The following TLN2 variants were observed in gnomAD, a reference collection of about 807,000 sequenced individuals.
TLN2 encodes the protein talin-2.
A neutral mutation model predicts 294.7 loss-of-function variants in TLN2; 118 were observed. That is an observed-to-expected ratio of 0.40 (90% CI 0.34 to 0.47). TLN2 has a LOEUF of 0.47. Among genes scored for constraint, TLN2 ranks in the 20% least tolerant of loss-of-function variants. The pLI is 0.84. For synonymous variants in TLN2, 1,431 were observed against 1,304.5 expected (o/e 1.10, Z -2.09); for missense variants, 3,083 against 3,282.2 (o/e 0.94, Z 1.48).
chr15:62,462,254 A>G (rs1016431087), intron 1 of TLN2, among the ~76,000 whole-genome samples: 11 of 152,364 alleles, frequency 7.2e-5, no homozygotes, highest in Non-Finnish European at 1.6e-4. Flanking sequence ...ATAAATAAAC[A>G]TAAAAAATCA....
chr15:62,797,460 G>C (rs984602287), intron 48 of TLN2, 58 bp downstream of exon 48: 1 of 1,508,606 alleles, frequency 6.6e-7, no homozygotes, highest in Non-Finnish European at 8.8e-7. Context: ...GCTGCACATC[G>C]GGCCTCAGAA....
intron 1 of TLN2, among the ~76,000 whole-genome samples, chr15:62,508,982 T>C (rs1018004669): frequency 6.6e-6 from 1 of 152,220 alleles, no homozygotes; most frequent in Admixed American, 6.5e-5. Context: ...GTAATCTTAG[T>C]GTTTTACTTA....
At chr15:62,481,585 C>T (rs1281972961) in intron 1 of TLN2, among the ~76,000 whole-genome samples, 1 of 152,190 alleles carries the variant, frequency 6.6e-6, no homozygotes, top group East Asian at 1.9e-4. Flanking sequence ...TGGTCTAGAA[C>T]TCTGGGCTCA....
chr15:62,397,541 G>T (rs1202379290), intron 1 of TLN2, among the ~76,000 whole-genome samples: 1 of 152,122 alleles, frequency 6.6e-6, no homozygotes, highest in African/African-American at 2.4e-5. Context: ...TGGGATTACA[G>T]GTGTGAGCCA....
chr15:62,697,521 A>G lies in TLN2; in HGVS notation c.1293-167A>G, dbSNP rs2058430113. Among the ~76,000 whole-genome samples the G allele has an allele frequency of 1.3e-5, 2 of 152,214 alleles. 1 individual carries two copies. Among genetic ancestry groups the G allele is most frequent in the South Asian group, 4.1e-4 (2 of 4,826 alleles). On this transcript the variant is annotated intron_variant, in intron 14 of 58. Transcript: ENST00000636159. ...AAAGGATTCATCTCAGAGCTCTGCT[A>G]AGTGTTGTAATGCCACTTCTTCATT...
intron 1 of TLN2, among the ~76,000 whole-genome samples, chr15:62,420,532 G>A (rs1271031972): frequency 6.6e-6 from 1 of 152,128 alleles, no homozygotes; most frequent in Non-Finnish European, 1.5e-5. Context: ...GAGCAGCTGG[G>A]ACTACAGGCG....
At chr15:62,528,428 A>G (rs1368812517) in intron 1 of TLN2, among the ~76,000 whole-genome samples, 1 of 152,144 alleles carries the variant, frequency 6.6e-6, no homozygotes, top group Non-Finnish European at 1.5e-5. Context: ...ACTTAGGTCC[A>G]TCAGGGTAGA....
chr15:62,769,435 T>G (rs1261063518), intron 41 of TLN2, among the ~76,000 whole-genome samples: 1 of 152,158 alleles, frequency 6.6e-6, no homozygotes, highest in Non-Finnish European at 1.5e-5. Flanking sequence ...CTGGCGTCGC[T>G]CATGTCTGCC....
At chr15:62,791,609 A>C (rs1007699574) in intron 45 of TLN2, among the ~76,000 whole-genome samples, 5 of 152,210 alleles carry the variant, frequency 3.3e-5, no homozygotes, top group Non-Finnish European at 7.3e-5. Context: ...CAGGGGGCCA[A>C]AAATCTCCCA....
chr15:62,786,847 CT>C (rs2064703753), intron 45 of TLN2, among the ~76,000 whole-genome samples: 1 of 152,148 alleles, frequency 6.6e-6, no homozygotes, highest in Admixed American at 6.5e-5. Flanking sequence ...TTTGCCATTA[CT>C]TTTAGTGGCA....
chr15:62,535,837 G>GCC (rs2041320024), intron 1 of TLN2, among the ~76,000 whole-genome samples: 1 of 152,198 alleles, frequency 6.6e-6, no homozygotes, highest in Admixed American at 6.5e-5. Flanking sequence ...ACAGGCGTGA[G>GCC]CCACCGTACC....
chr15:62,724,752 CCA>C (rs1428866096), intron 26 of TLN2, among the ~76,000 whole-genome samples: 1 of 152,128 alleles, frequency 6.6e-6, no homozygotes, highest in Non-Finnish European at 1.5e-5. Flanking sequence ...CTTACTATAT[CCA>C]GTTATGAGAC....
intron 1 of TLN2, among the ~76,000 whole-genome samples, chr15:62,533,328 G>C (rs2041158331): frequency 6.6e-6 from 1 of 151,194 alleles, no homozygotes; most frequent in Non-Finnish European, 1.5e-5. Flanking sequence ...TCTAAGGCAG[G>C]TAGCCCATGT....
chr15:62,726,149 G>A (rs2060429593), intron 27 of TLN2, among the ~76,000 whole-genome samples: 1 of 152,142 alleles, frequency 6.6e-6, no homozygotes, highest in Non-Finnish European at 1.5e-5. Context: ...GGCATGACAT[G>A]TAATTCCATC....
At chr15:62,807,664 G>A (rs953279395) in intron 51 of TLN2, among the ~76,000 whole-genome samples, 1 of 152,180 alleles carries the variant, frequency 6.6e-6, no homozygotes, top group Non-Finnish European at 1.5e-5. Flanking sequence ...GTTTTCAGGG[G>A]AGGAGCTCAG....
Position 62,752,567 on chromosome 15 carries a change from G to A in TLN2, c.4332+140G>A, listed in dbSNP as rs866452188. 76 of 1,293,824 alleles carry A rather than the reference G, an allele frequency of 5.9e-5. No individual in the cohort carries two copies. In the Middle Eastern group the frequency reaches 1.8e-3, roughly 31 times the overall value. The allele number at this position is 1,293,824 out of a possible 1,614,324, so 80.1% of individuals were successfully genotyped here. A position where few individuals can be genotyped will look rare whatever the true frequency, so the allele number is the denominator to read the frequency against. On this transcript the variant is annotated intron_variant, in intron 35 of 58. Transcript: ENST00000636159. ...GGCAGTGGCTTCTGTGCTGGCTGGG[G>A]CATTTACACAAAACATGAGCCAGTT... is the stretch of plus-strand genomic sequence containing the variant.
chr15:62,528,223 C>T (rs1335814439), intron 1 of TLN2, among the ~76,000 whole-genome samples: 3 of 152,114 alleles, frequency 2.0e-5, no homozygotes, highest in African/African-American at 4.8e-5. Flanking sequence ...TATGTCAAAA[C>T]ATATGTAATC....
At position 62,792,678 on chromosome 15, in the gene TLN2, G is replaced by A; in HGVS notation, c.5774G>A (p.Gly1925Asp). ...ATTCGCACTCGTGTGCAGGACCTGG[G>A]CCACGGCTGTATCTTCCTGGTGCAG... The part of the protein sequence containing the change: ...FQIRTRVQDL[G>D]HGCIFLVQKA... Residue 1925 changes from glycine to aspartate, a missense_variant, in exon 46 of 59, where the codon GGC (glycine) becomes GAC (aspartate). Coordinates refer to ENST00000636159, the MANE Select transcript of TLN2 (RefSeq NM_015059.3). 1 of 1,613,898 alleles carries A rather than the reference G, an allele frequency of 6.2e-7. No homozygotes were observed.
chr15:62,658,393 C>A (rs1351377875), intron 9 of TLN2, among the ~76,000 whole-genome samples: 1 of 152,240 alleles, frequency 6.6e-6, no homozygotes, highest in East Asian at 1.9e-4. Flanking sequence ...CCCAGTTTCA[C>A]TTTGGTGGAA....
Sources: gnomAD v4.1 joint callset for allele counts (sites outside exome capture counted in the v4.1 genomes callset) on GRCh38, gnomAD v4.1.1 for gene constraint, MANE v1.5 for transcripts, NCBI Gene and HGNC (gene_info 2026-07-23, HGNC 2026-07-21) for gene names.